Variants in EXD3 observed in about 807,000 individuals in gnomAD.
The protein encoded by EXD3 is exonuclease mut-7 homolog.
EXD3 carries 92 observed loss-of-function variants against 98.0 expected under a neutral mutation model. The ratio of observed to expected loss-of-function variants is 0.94; its 90% CI spans 0.79 to 1.12. EXD3 has a LOEUF of 1.12. Ranked by LOEUF, EXD3 falls within the 50% of genes most tolerant of loss-of-function variation. EXD3 has a pLI of 0.00. For synonymous variants in EXD3, 569 were observed against 526.0 expected, an observed-to-expected ratio of 1.08 and a Z score of -1.12; for missense variants, 1,222 against 1,191.6, an observed-to-expected ratio of 1.03 and a Z score of -0.38.
At chr9:137,419,915 T>C (rs1259626132) in intron 1 of EXD3, among the ~76,000 whole-genome samples, 2 of 152,058 alleles carry the variant, frequency 1.3e-5, no homozygotes, top group Non-Finnish European at 2.9e-5. Context: ...ATCCCAGCAC[T>C]TTGGGAGGCC....
rs1834137242 is a variant in EXD3 at position 137,349,469 on chromosome 9, G to A, written c.1557C>T (p.Ser519=). 6.2e-7 allele frequency: 1 copy of A among 1,603,846 alleles called. No homozygotes were observed. Residue 519 remains serine (S), a synonymous_variant, in exon 15 of 22, where the codon AGC becomes AGT. Transcript: ENST00000340951. This position sits in a 1 kb window ranked among gnomAD's most constrained non-coding sequence, Gnocchi z 7.4. ...TGCCCAGCACCTGCTGCACCAGGAG[G>A]CTCAGGCCCCTCAGCTCCCTGGCCC... ...VDRARELRGL[S]LLVQQVLGTA... is the part of the protein sequence containing the mutation.
chr9:137,352,844 T>C, intron 10 of EXD3, 58 bp from the exon 11 acceptor site: 2 of 1,526,474 alleles, frequency 1.3e-6, no homozygotes, highest in Non-Finnish European at 1.8e-6. Flanking sequence ...CACAGGGCCC[T>C]GCCCCGAGGG....
intron 1 of EXD3, among the ~76,000 whole-genome samples, chr9:137,401,345 C>T (rs1184732868): frequency 3.3e-5 from 5 of 151,964 alleles, no homozygotes; most frequent in African/African-American, 7.3e-5. Flanking sequence ...TTAGTAGAGA[C>T]GGGGTTTCAC....
intron 1 of EXD3, among the ~76,000 whole-genome samples, chr9:137,412,442 C>T (rs1427833610): frequency 1.3e-5 from 2 of 152,204 alleles, no homozygotes; most frequent in African/African-American, 2.4e-5. Flanking sequence ...AATGTGTCTA[C>T]AAGAAAACTT....
Position 137,307,101 on chromosome 9 carries a change from C to T in EXD3, c.2480G>A (p.Arg827Gln), listed in dbSNP as rs770529999. 1.5e-5 allele frequency: 24 copies of T among 1,609,350 alleles called. No individual in the cohort carries two copies. In the East Asian group the frequency reaches 1.8e-4, roughly 12 times the overall value. Reference sequence around the variant, plus strand: ...ACAGCCCGTGCAGCAGTAGAAGCACCGCAGCCCAGGTGTCCTCAGCACACC... The same window carrying T: ...ACAGCCCGTGCAGCAGTAGAAGCACTGCAGCCCAGGTGTCCTCAGCACACC... ...PVGVLRTPGL[R>Q]CFYCCTGCGK... Residue 827 changes from arginine to glutamine, a missense_variant, in exon 22 of 22, where the codon CGG becomes CAG. By Grantham distance (43) the Arg-to-Gln change is conservative. Coordinates refer to ENST00000340951, the MANE Select transcript of EXD3 (RefSeq NM_017820.5).
chr9:137,316,900 C>T (rs923274732), intron 19 of EXD3, among the ~76,000 whole-genome samples: 5 of 152,142 alleles, frequency 3.3e-5, no homozygotes, highest in African/African-American at 1.2e-4. Context: ...CTGGTCCTTC[C>T]AGGGGAGCTC....
Position 137,356,181 on chromosome 9 carries a change from G to C in EXD3, c.757+87C>G, listed in dbSNP as rs13293922. On this transcript the variant is annotated intron_variant, in intron 8 of 21. Transcript: ENST00000340951. ...TGGTCTTGGTTGGCACCTGAACAAC[G>C]GGCAGCCCCAGTCACAGAGGATGTC... 113 of 1,004,652 alleles carry C rather than the reference G, an allele frequency of 1.1e-4. No homozygotes were observed. In the African/African-American group the frequency reaches 1.7e-3, roughly 15 times the overall value. The allele number at this position is 1,004,652 out of a possible 1,614,324, so 62.2% of individuals were successfully genotyped here. A position where few individuals can be genotyped will look rare whatever the true frequency, so the allele number is the denominator to read the frequency against.
chr9:137,318,442 C>T (rs907906971), intron 19 of EXD3, among the ~76,000 whole-genome samples: 3 of 152,154 alleles, frequency 2.0e-5, no homozygotes, highest in Admixed American at 2.0e-4. Flanking sequence ...CAGGACGTGT[C>T]CCCGTGGGGG....
intron 3 of EXD3, among the ~76,000 whole-genome samples, chr9:137,380,398 TC>T (rs1836181431): frequency 1.0e-4 from 3 of 28,854 alleles, no homozygotes; most frequent in Non-Finnish European, 1.7e-4. Context: ...TCCCCCCTCC[TC>T]CCCAACCCCC....
chr9:137,376,268 C>T (rs1835893691), intron 3 of EXD3, among the ~76,000 whole-genome samples: 2 of 146,350 alleles, frequency 1.4e-5, no homozygotes, highest in South Asian at 4.3e-4. Context: ...GGCGTGAACC[C>T]AGGAGGCGGA....
chr9:137,411,197 G>A (rs961653984), intron 1 of EXD3, among the ~76,000 whole-genome samples: 1 of 152,188 alleles, frequency 6.6e-6, no homozygotes, highest in African/African-American at 2.4e-5. Flanking sequence ...AGATGATGCC[G>A]AATGGAGCGC....
At chr9:137,356,453 T>A in intron 7 of EXD3, 85 bp from the exon 8 acceptor site, 1 of 916,680 alleles carries the variant, frequency 1.1e-6, no homozygotes, top group Non-Finnish European at 1.7e-6. Flanking sequence ...GTCATATGCA[T>A]GCATAGTTTA....
intron 10 of EXD3, chr9:137,353,318 A>G: frequency 2.0e-6 from 2 of 984,452 alleles, no homozygotes; most frequent in Non-Finnish European, 2.4e-6. Flanking sequence ...TCCTGCTCTC[A>G]CCAGGCATCT....
chr9:137,350,079 C>A (rs529852553), intron 14 of EXD3, among the ~76,000 whole-genome samples: 1 of 34,680 alleles, frequency 2.9e-5, no homozygotes, highest in Non-Finnish European at 5.2e-5. Context: ...GTGGGGATCA[C>A]GAGGAGGGGC....
At chr9:137,412,833 G>A (rs963904257) in intron 1 of EXD3, among the ~76,000 whole-genome samples, 6 of 151,726 alleles carry the variant, frequency 4.0e-5, no homozygotes, top group Non-Finnish European at 5.9e-5. Context: ...GATGGAGTGC[G>A]GTGGGGCGAT....
chr9:137,392,916 G>A (rs1453625123), intron 2 of EXD3: 8 of 513,378 alleles, frequency 1.6e-5, no homozygotes, highest in East Asian at 1.1e-4. Context: ...CTGTTCTGGC[G>A]GGGGGCCGTA....
chr9:137,412,938 G>C (rs969185458), intron 1 of EXD3, among the ~76,000 whole-genome samples: 3 of 151,648 alleles, frequency 2.0e-5, no homozygotes, highest in Non-Finnish European at 4.4e-5. Flanking sequence ...CGCTACACCT[G>C]GATAATTTTG....
At chr9:137,368,920 GCCT>G (rs1835428281) in intron 5 of EXD3, among the ~76,000 whole-genome samples, 1 of 144,180 alleles carries the variant, frequency 6.9e-6, no homozygotes, top group African/African-American at 2.6e-5. Flanking sequence ...GGGCAGGGGC[GCCT>G]GGCCCGGGAA....
intron 3 of EXD3, among the ~76,000 whole-genome samples, chr9:137,376,140 A>G (rs535458255): frequency 6.6e-6 from 1 of 151,796 alleles, no homozygotes; most frequent in Non-Finnish European, 1.5e-5. Context: ...GTCAGGAGAT[A>G]GAGACCAGCC....
Sources: gnomAD v4.1 joint callset for allele counts (sites outside exome capture counted in the v4.1 genomes callset) on GRCh38, gnomAD v4.1.1 for gene constraint, Gnocchi (gnomAD v3.1) non-coding constraint, MANE v1.5 for transcripts, NCBI Gene and HGNC (gene_info 2026-07-23, HGNC 2026-07-21) for gene names.